Variants in VPS13B observed in about 807,000 individuals in gnomAD.
The protein encoded by VPS13B is intermembrane lipid transfer protein VPS13B.
A neutral mutation model predicts 426.4 loss-of-function variants in VPS13B; 285 were observed. The observed-to-expected ratio is 0.67, with a 90% CI of 0.61 to 0.74. VPS13B has a LOEUF of 0.74. Ranked by LOEUF, VPS13B falls within the 30% of genes least tolerant of loss-of-function variation. The pLI is 0.00. For synonymous variants in VPS13B, 1,676 were observed against 1,676.4 expected, an observed-to-expected ratio of 1.00 and a Z score of 0.01; for missense variants, 4,537 against 4,782.6, an observed-to-expected ratio of 0.95 and a Z score of 1.51.
rs1472281064 is a variant in VPS13B at position 99,520,988 on chromosome 8, G to A, written c.4723G>A (p.Val1575Ile). 1 of 1,613,638 alleles carries A rather than the reference G, an allele frequency of 6.2e-7. No homozygotes were observed. The highest frequency in any genetic ancestry group is 1.7e-5 in the Admixed American group (1 of 60,014). The change falls in exon 30 of 62, where the codon GTC becomes ATC. Residue 1575 changes from valine to isoleucine, a missense_variant. Physicochemically the swap from Val to Ile is conservative, Grantham distance 29. Around this residue, in one of 2 missense-constraint regions of VPS13B, gnomAD observed 4,311 missense variants for 4,474.3 expected, o/e 0.96. Coordinates refer to ENST00000357162, the MANE Select transcript of VPS13B (RefSeq NM_152564.5). ...GGCTGACAATCCCCTTGGCAGATCTGTCCTTAGGAAAGATATTTACCAGTA... is the reference window on the plus strand; with the variant it reads ...GGCTGACAATCCCCTTGGCAGATCTATCCTTAGGAAAGATATTTACCAGTA... The part of the protein sequence containing the change: ...PQADNPLGRS[V>I]LRKDIYQRAL...
At chr8:99,186,955 G>A (rs1020806364) in intron 16 of VPS13B, among the ~76,000 whole-genome samples, 2 of 152,128 alleles carry the variant, frequency 1.3e-5, no homozygotes, top group Non-Finnish European at 2.9e-5. Context: ...TGGCTTGAAA[G>A]GGTACCATAT....
At chr8:99,438,916 C>T (rs1817542043) in intron 22 of VPS13B, among the ~76,000 whole-genome samples, 1 of 152,118 alleles carries the variant, frequency 6.6e-6, no homozygotes, top group Non-Finnish European at 1.5e-5. Flanking sequence ...TATATGGGAT[C>T]TCGCCTATAG....
At chr8:99,849,557 T>A (rs1002282406) in intron 55 of VPS13B, among the ~76,000 whole-genome samples, 3 of 152,230 alleles carry the variant, frequency 2.0e-5, no homozygotes, top group African/African-American at 4.8e-5. Context: ...TTCCAATTTA[T>A]AAGCACTTTG....
At chr8:99,074,540 A>C (rs549015332) in intron 3 of VPS13B, among the ~76,000 whole-genome samples, 1 of 151,620 alleles carries the variant, frequency 6.6e-6, no homozygotes, top group East Asian at 1.9e-4. Flanking sequence ...TGATTATAGT[A>C]TATTATGATG....
intron 16 of VPS13B, among the ~76,000 whole-genome samples, chr8:99,173,070 A>G (rs1350833296): frequency 1.3e-5 from 2 of 152,182 alleles, no homozygotes; most frequent in Admixed American, 6.5e-5. Context: ...GTGAAAACAC[A>G]TATTTCTTTT....
At chr8:99,056,846 C>A (rs1446655178) in intron 3 of VPS13B, among the ~76,000 whole-genome samples, 1 of 150,328 alleles carries the variant, frequency 6.7e-6, no homozygotes, top group Admixed American at 6.6e-5. Flanking sequence ...GTCTTACAAT[C>A]CATCTACACA....
chr8:99,788,395 A>C (rs1469174777), intron 43 of VPS13B, among the ~76,000 whole-genome samples: 1 of 151,246 alleles, frequency 6.6e-6, no homozygotes, highest in Non-Finnish European at 1.5e-5. Flanking sequence ...AAAAAAAAAA[A>C]AAAAAAAAGC....
At chr8:99,763,577 C>T (rs941383044) in intron 39 of VPS13B, among the ~76,000 whole-genome samples, 9 of 152,006 alleles carry the variant, frequency 5.9e-5, no homozygotes, top group African/African-American at 2.2e-4. Flanking sequence ...AGGATTTTTC[C>T]ATCTGGGGAG....
intron 3 of VPS13B, among the ~76,000 whole-genome samples, chr8:99,051,588 G>A (rs1843555373): frequency 6.6e-6 from 1 of 152,142 alleles, no homozygotes; most frequent in African/African-American, 2.4e-5. Context: ...TAGCTTGATG[G>A]GAATGGCATT....
intron 36 of VPS13B, among the ~76,000 whole-genome samples, chr8:99,708,422 CTTTCATGACAAATTCTTCCTTTTTTT>C (rs1832575685): frequency 6.6e-6 from 1 of 152,108 alleles, no homozygotes. Flanking sequence ...GGCATTTCTT[CTTTCATGACAAATTCTTCCTTTTTTT>C]TATGGGAAAG....
At chr8:99,574,448 A>C (rs1057117015) in intron 31 of VPS13B, among the ~76,000 whole-genome samples, 1 of 152,174 alleles carries the variant, frequency 6.6e-6, no homozygotes, top group Non-Finnish European at 1.5e-5. Flanking sequence ...TGTCATAAAT[A>C]GCCCTTATTA....
chr8:99,196,467 GTT>G (rs527809837), intron 17 of VPS13B, among the ~76,000 whole-genome samples: 11 of 127,164 alleles, frequency 8.7e-5, no homozygotes, highest in South Asian at 2.5e-4. Context: ...GTCTTTAGGG[GTT>G]TTTTTTTTTT....
chr8:99,089,650 A>G (rs1371475594), intron 3 of VPS13B, among the ~76,000 whole-genome samples: 2 of 152,140 alleles, frequency 1.3e-5, no homozygotes, highest in Admixed American at 1.3e-4. Flanking sequence ...GATTGTGGAG[A>G]ACAAAGTTCT....
chr8:99,650,963 A>C (rs889835497), intron 34 of VPS13B, among the ~76,000 whole-genome samples: 5 of 152,176 alleles, frequency 3.3e-5, no homozygotes, highest in African/African-American at 1.2e-4. Context: ...CTTATATTGT[A>C]TTAGGTATTA....
At chr8:99,148,423 A>G (rs1206764824) in intron 14 of VPS13B, among the ~76,000 whole-genome samples, 1 of 152,072 alleles carries the variant, frequency 6.6e-6, no homozygotes, top group East Asian at 1.9e-4. Flanking sequence ...ATGATGAAGT[A>G]AAAGCAATGT....
At chr8:99,434,791 T>A (rs866648613) in intron 22 of VPS13B, among the ~76,000 whole-genome samples, 1 of 152,222 alleles carries the variant, frequency 6.6e-6, no homozygotes, top group East Asian at 1.9e-4. Context: ...GAGTTATGAC[T>A]CTTTTAGGGA....
At chr8:99,336,587 G>C (rs1490754566) in intron 19 of VPS13B, among the ~76,000 whole-genome samples, 1 of 152,048 alleles carries the variant, frequency 6.6e-6, no homozygotes, top group Non-Finnish European at 1.5e-5. Context: ...CCTACAAAAT[G>C]GGAAAAAATT....
At chr8:99,404,159 G>C (rs1815203995) in intron 21 of VPS13B, among the ~76,000 whole-genome samples, 1 of 152,154 alleles carries the variant, frequency 6.6e-6, no homozygotes, top group Non-Finnish European at 1.5e-5. Context: ...TATGTGATTT[G>C]AACTGTAATG....
chr8:99,871,974 T>C (rs750164450), intron 61 of VPS13B, among the ~76,000 whole-genome samples: 1 of 152,158 alleles, frequency 6.6e-6, no homozygotes, highest in Non-Finnish European at 1.5e-5. Context: ...ACCAAGCCAA[T>C]TGAACAAGGC....
Sources: allele counts gnomAD v4.1 joint callset (sites outside exome capture counted in the v4.1 genomes callset), GRCh38; gene constraint gnomAD v4.1.1; regional missense constraint gnomAD v4.1.1; transcripts MANE v1.5; gene names NCBI Gene and HGNC (gene_info 2026-07-23, HGNC 2026-07-21).